Variants in USH2A observed in about 807,000 individuals in gnomAD.
USH2A encodes Usher syndrome 2A (autosomal recessive, mild).
In USH2A, 443 loss-of-function variants were observed where a neutral mutation model predicts 538.9. That is an observed-to-expected ratio of 0.82 (90% CI 0.76 to 0.89). USH2A has a LOEUF of 0.89. Ranked by LOEUF, USH2A falls within the 40% of genes least tolerant of loss-of-function variation. The pLI, the probability that USH2A is intolerant of heterozygous loss-of-function variation, is 0.00. For synonymous variants in USH2A, 2,413 were observed against 2,273.5 expected (o/e 1.06, Z -1.75); for missense variants, 6,633 against 6,324.8 (o/e 1.05, Z -1.65).
chr1:216,080,564 T>G (rs1485195888), intron 26 of USH2A, among the ~76,000 whole-genome samples: 1 of 152,072 alleles, frequency 6.6e-6, no homozygotes, highest in East Asian at 1.9e-4. Context: ...AAGTAACCAC[T>G]TTCAATGCAC....
Position 216,060,702 on chromosome 1 carries a change from A to G in USH2A, c.6049+9399T>C, listed in dbSNP as rs181243312. On this transcript the variant is annotated intron_variant, in intron 30 of 71. Transcript: ENST00000307340. ...TGTATACACCAATTATATCTGTAAC[A>G]CTTGATGCCAGGTGCTGTAGTAATT... Among the ~76,000 whole-genome samples, 162 of 152,342 alleles carry G rather than the reference A, an allele frequency of 1.1e-3. 1 individual carries two copies. The highest frequency in any genetic ancestry group is 3.8e-3 in the African/African-American group (157 of 41,568).
intron 40 of USH2A, among the ~76,000 whole-genome samples, chr1:215,896,453 T>G (rs757691794): frequency 7.9e-5 from 12 of 152,158 alleles, no homozygotes; most frequent in Admixed American, 2.0e-4. Context: ...CTGGGAAATC[T>G]TAAGAGAAAC....
intron 32 of USH2A, 69 bp from the exon 33 acceptor site, chr1:216,000,631 A>T (rs1180477183): frequency 6.4e-7 from 1 of 1,568,178 alleles, no homozygotes; most frequent in East Asian, 2.2e-5. Context: ...TCACTCCTCC[A>T]CTATAGTCCT....
chr1:215,880,541 GGGGAATATTTTTAAAAACACCCTAAA>G (rs1241523929), intron 41 of USH2A, among the ~76,000 whole-genome samples: 1 of 152,150 alleles, frequency 6.6e-6, no homozygotes, highest in Non-Finnish European at 1.5e-5. Context: ...GCCTGGATGT[GGGGAATATTTTTAAAAACACCCTAAA>G]ACTAGCAAAG....
chr1:215,930,297 AATC>A (rs1355780083), intron 38 of USH2A, among the ~76,000 whole-genome samples: 1 of 151,994 alleles, frequency 6.6e-6, no homozygotes, highest in Non-Finnish European at 1.5e-5. Flanking sequence ...ATTTGTCACT[AATC>A]ATTTTAAACT....
intron 4 of USH2A, 21 bp from the exon 5 acceptor site, chr1:216,327,675 A>G (rs760668906): frequency 1.2e-6 from 2 of 1,612,724 alleles, no homozygotes. Context: ...ACACATGTGC[A>G]TAATATAAGA....
intron 21 of USH2A, among the ~76,000 whole-genome samples, chr1:216,136,919 G>A (rs1042595950): frequency 2.0e-5 from 3 of 152,080 alleles, no homozygotes; most frequent in East Asian, 1.9e-4. Flanking sequence ...TCTTTTTCTC[G>A]AACTTCTAGC....
At chr1:215,799,833 A>G (rs1396273365) in intron 49 of USH2A, among the ~76,000 whole-genome samples, 1 of 152,070 alleles carries the variant, frequency 6.6e-6, no homozygotes, top group African/African-American at 2.4e-5. Flanking sequence ...TAAAAATAAA[A>G]AAATTATCCA....
Position 215,790,185 on chromosome 1 carries a change from G to C in USH2A, c.10056C>G (p.Asp3352Glu), listed in dbSNP as rs200208776. The change falls in exon 51 of 72, where the codon GAC (aspartate) becomes GAG (glutamate). Residue 3352 changes from aspartate (D) to glutamate (E), a missense_variant. By Grantham distance (45) the Asp-to-Glu change is conservative. Transcript: ENST00000307340. Reference sequence around the variant, plus strand: ...TCTCACAGCATTTTACTGGCACCGGGTCATTCTTTTTAATATGTGCTTTAG... The same window carrying C: ...TCTCACAGCATTTTACTGGCACCGGCTCATTCTTTTTAATATGTGCTTTAG... ...GESKAHIKKN[D>E]PVPVKCCETE... is the part of the protein sequence containing the mutation. 1.2e-6 allele frequency: 2 copies of C among 1,613,996 alleles called. No individual in the cohort carries two copies. The highest frequency in any genetic ancestry group is 3.3e-5 in the Admixed American group (2 of 59,992).
At chr1:215,891,076 A>T (rs1665198399) in intron 40 of USH2A, among the ~76,000 whole-genome samples, 1 of 152,186 alleles carries the variant, frequency 6.6e-6, no homozygotes, top group Non-Finnish European at 1.5e-5. Flanking sequence ...TGATTGGGGG[A>T]TAAGGCTTTT....
At chr1:216,398,136 A>G (rs919300935) in intron 3 of USH2A, among the ~76,000 whole-genome samples, 3 of 152,366 alleles carry the variant, frequency 2.0e-5, no homozygotes, top group African/African-American at 7.2e-5. Context: ...CAGCTATTTT[A>G]AAATGGTAGA....
At chr1:216,082,320 A>T (rs1370208414) in intron 26 of USH2A, among the ~76,000 whole-genome samples, 4 of 152,196 alleles carry the variant, frequency 2.6e-5, no homozygotes, top group African/African-American at 9.6e-5. Context: ...ATTCATAGAC[A>T]TTACGTTTCA....
At chr1:215,809,149 A>G (rs569176996) in intron 49 of USH2A, among the ~76,000 whole-genome samples, 1 of 152,170 alleles carries the variant, frequency 6.6e-6, no homozygotes, top group Non-Finnish European at 1.5e-5. Flanking sequence ...TGGGTAAAAT[A>G]ATTCTATTTC....
intron 4 of USH2A, among the ~76,000 whole-genome samples, chr1:216,330,850 A>G (rs1011665097): frequency 2.2e-4 from 33 of 152,058 alleles, no homozygotes; most frequent in South Asian, 2.1e-4. Flanking sequence ...AAATGTTGGC[A>G]GTCAGACCAG....
intron 3 of USH2A, among the ~76,000 whole-genome samples, chr1:216,374,437 A>G (rs1571754380): frequency 1.3e-5 from 2 of 152,020 alleles, no homozygotes; most frequent in Non-Finnish European, 2.9e-5. Flanking sequence ...CAGTGATCAT[A>G]TTATATCTTA....
At position 215,813,765 on chromosome 1, in the gene USH2A, C is replaced by A. The variant is rs201909450; in HGVS notation, c.9710G>T (p.Cys3237Phe). 6 of 1,613,890 alleles carry A rather than the reference C, an allele frequency of 3.7e-6. No homozygotes were observed. The East Asian group carries it at 1.1e-4, about 30-fold the overall frequency. ...TAGAATTCTAGCGTAATACCCAGAG[C>A]AGCACTGATGATTTGGTTGTGCCTC... The part of the protein sequence containing the change: ...IQEAQPNHQC[C>F]SGYYARILPG... Residue 3237 changes from cysteine to phenylalanine, a missense_variant, in exon 49 of 72, where the codon TGC (cysteine) becomes TTC (phenylalanine). Coordinates refer to ENST00000307340, the MANE Select transcript of USH2A (RefSeq NM_206933.4).
chr1:215,836,588 A>C (rs1394546767), intron 47 of USH2A, among the ~76,000 whole-genome samples: 2 of 92,000 alleles, frequency 2.2e-5, no homozygotes, highest in Non-Finnish European at 4.3e-5. Context: ...ACAGAGTATC[A>C]CTCTGTCGCC....
rs764945259 is a variant in USH2A at position 215,648,703 on chromosome 1, T to C, written c.14407A>G (p.Ile4803Val). Residue 4803 changes from isoleucine (I) to valine (V), a missense_variant, in exon 66 of 72, where the codon ATT becomes GTT. Ile to Val is a conservative substitution (Grantham distance 29). Transcript: ENST00000307340. Reference sequence around the variant, plus strand: ...AAGCAGGTGCAGGCCTCTACTCCAATAGAGTAGTTAGTGAAGGCTTGAAGG... The same window carrying C: ...AAGCAGGTGCAGGCCTCTACTCCAACAGAGTAGTTAGTGAAGGCTTGAAGG... The part of the protein sequence containing the change: ...HGLQAFTNYS[I>V]GVEACTCFNC... 3 of 1,614,098 alleles carry C rather than the reference T, an allele frequency of 1.9e-6. No individual in the cohort carries two copies. Among genetic ancestry groups the C allele is most frequent in the Admixed American group, 1.7e-5 (1 of 60,010 alleles).
chr1:215,966,854 T>G (rs949659879), intron 36 of USH2A, among the ~76,000 whole-genome samples: 1 of 152,230 alleles, frequency 6.6e-6, no homozygotes, highest in Non-Finnish European at 1.5e-5. Flanking sequence ...CAATTCCAGA[T>G]AATTATATTA....
Sources: gnomAD v4.1 joint callset for allele counts (sites outside exome capture counted in the v4.1 genomes callset) on GRCh38, gnomAD v4.1.1 for gene constraint, MANE v1.5 for transcripts, NCBI Gene and HGNC (gene_info 2026-07-23, HGNC 2026-07-21) for gene names.